Variants in CDH23 observed in about 807,000 individuals in gnomAD.
The protein encoded by CDH23 is cadherin related 23.
In CDH23, 189 loss-of-function variants were observed where a neutral mutation model predicts 317.1. The observed-to-expected ratio is 0.60, with a 90% CI of 0.53 to 0.67. The LOEUF is 0.67. Among genes scored for constraint, CDH23 ranks in the 30% least tolerant of loss-of-function variants. The probability of loss-of-function intolerance (pLI) is 0.00; values close to 1 mark genes in which losing one functional copy is unlikely to be tolerated. For synonymous variants in CDH23, 1,839 were observed against 1,876.8 expected, an observed-to-expected ratio of 0.98 and a Z score of 0.52; for missense variants, 4,401 against 4,592.4, an observed-to-expected ratio of 0.96 and a Z score of 1.20.
intron 3 of CDH23, among the ~76,000 whole-genome samples, chr10:71,454,829 A>T (rs991119126): frequency 6.9e-5 from 10 of 144,686 alleles, no homozygotes; most frequent in East Asian, 2.0e-4. Context: ...TACATACTAT[A>T]TTTTTTTTAC....
At chr10:71,732,859 A>G in intron 32 of CDH23, 1 of 283,830 alleles carries the variant, frequency 3.5e-6, no homozygotes, top group Admixed American at 5.3e-5. Flanking sequence ...ACCAGCTGGG[A>G]ATCCTATAGT....
chr10:71,744,701 C>T (rs1051692073), intron 38 of CDH23, among the ~76,000 whole-genome samples: 5 of 152,202 alleles, frequency 3.3e-5, no homozygotes, highest in Admixed American at 1.3e-4. Context: ...AGCATCCGCC[C>T]TGCTCATCCT....
chr10:71,415,248 A>C (rs767245439), intron 1 of CDH23, among the ~76,000 whole-genome samples: 12 of 152,016 alleles, frequency 7.9e-5, no homozygotes, highest in Non-Finnish European at 1.5e-4. Flanking sequence ...GGAATGCACT[A>C]TCACACCTGG....
At chr10:71,463,055 A>AG (rs976431120) in intron 3 of CDH23, among the ~76,000 whole-genome samples, 2 of 152,244 alleles carry the variant, frequency 1.3e-5, no homozygotes, top group Admixed American at 6.5e-5. Flanking sequence ...TGCCATGGGG[A>AG]GGGGGGCGTA....
rs1233221567 is a variant in CDH23 at position 71,403,392 on chromosome 10, TTTCTTTC to T, written c.-6+6077_-6+6083del. ...CTTTCTTTCTTTCTTTCTTTCTTTC[TTTCTTTC>T]TTTCTTTCTCTTCCTTCCTTCCTTC... On this transcript the variant is annotated intron_variant, in intron 1 of 69. Coordinates refer to ENST00000224721, the MANE Select transcript of CDH23 (RefSeq NM_022124.6). Among the ~76,000 whole-genome samples, 5 of 108,736 alleles carry T rather than the reference TTTCTTTC, an allele frequency of 4.6e-5. 1 individual carries two copies. Among genetic ancestry groups the T allele is most frequent in the African/African-American group, 2.2e-4 (5 of 22,562 alleles). 71.3% of individuals were successfully genotyped at this position (108,736 alleles called of 152,430 possible). A position where few individuals can be genotyped will look rare whatever the true frequency, so the allele number is the denominator to read the frequency against.
Position 71,815,107 on chromosome 10 carries a change from C to A in CDH23, c.9894C>A (p.Asn3298Lys), listed in dbSNP as rs1459700571. ...STGTLLATDLNSLPEEDQKGL... is the reference protein window; with the variant it reads ...STGTLLATDLKSLPEEDQKGL... ...GCACGCTGCTGGCCACCGACCTCAACAGCCTGCCCGAGGAAGACCAGAAGG... is the reference window on the plus strand; with the variant it reads ...GCACGCTGCTGGCCACCGACCTCAAAAGCCTGCCCGAGGAAGACCAGAAGG... The change falls in exon 70 of 70, where the codon AAC (asparagine) becomes AAA (lysine). Residue 3298 changes from asparagine (N) to lysine (K), a missense_variant. Transcript: ENST00000224721. 7 of 1,611,304 alleles carry A rather than the reference C, an allele frequency of 4.3e-6. No individual in the cohort carries two copies. The highest frequency in any genetic ancestry group is 1.1e-5 in the South Asian group (1 of 90,780).
chr10:71,709,341 A>C (rs1865894923), intron 27 of CDH23, 130 bp downstream of exon 27: 1 of 720,152 alleles, frequency 1.4e-6, no homozygotes, highest in Admixed American at 2.5e-5. Flanking sequence ...GCCACCAGGC[A>C]CTCACCAAAC....
chr10:71,657,981 G>T (rs1349060802), intron 14 of CDH23, among the ~76,000 whole-genome samples: 3 of 152,184 alleles, frequency 2.0e-5, no homozygotes, highest in Non-Finnish European at 4.4e-5. Context: ...CCCCAGGCTG[G>T]CCTGGAAGGC....
At chr10:71,490,285 T>G (rs1447504184) in intron 3 of CDH23, among the ~76,000 whole-genome samples, 1 of 152,220 alleles carries the variant, frequency 6.6e-6, no homozygotes, top group African/African-American at 2.4e-5. Context: ...AATTTCAAGT[T>G]GATCCAGGTA....
chr10:71,507,723 G>A (rs1589146979), intron 3 of CDH23, among the ~76,000 whole-genome samples: 5 of 152,310 alleles, frequency 3.3e-5, no homozygotes, highest in African/African-American at 1.2e-4. Context: ...TCAATCAAAT[G>A]CTGCTCCCAA....
chr10:71,599,822 C>T (rs547355175), intron 9 of CDH23, among the ~76,000 whole-genome samples: 4 of 152,242 alleles, frequency 2.6e-5, no homozygotes, highest in Non-Finnish European at 5.9e-5. Flanking sequence ...TACTTCTCAT[C>T]TCTGATTCTC....
intron 6 of CDH23, among the ~76,000 whole-genome samples, chr10:71,551,139 C>T (rs866933011): frequency 6.6e-6 from 1 of 152,234 alleles, no homozygotes; most frequent in Non-Finnish European, 1.5e-5. Context: ...GTGAGTGTCA[C>T]GAGGACTTCC....
rs561886884 is a variant in CDH23, at chr10:71,561,517, C to T, written c.430-5225C>T. Among the ~76,000 whole-genome samples, 8 of 152,298 alleles carry T rather than the reference C, an allele frequency of 5.3e-5. No individual in the cohort carries two copies. In the East Asian group the frequency reaches 1.5e-3, roughly 29 times the overall value. ...GCTATTTATCATTATTATTAACAAA[C>T]AAGATCCTTTGCACGGCAGAACTTT... is the stretch of plus-strand genomic sequence containing the variant. On this transcript the variant is annotated intron_variant, in intron 6 of 69. Coordinates refer to ENST00000224721, the MANE Select transcript of CDH23 (RefSeq NM_022124.6).
chr10:71,611,069 C>T (rs1355300382), intron 9 of CDH23, among the ~76,000 whole-genome samples: 2 of 152,018 alleles, frequency 1.3e-5, no homozygotes, highest in Non-Finnish European at 2.9e-5. Context: ...CGCCCCCAGC[C>T]CCCCAGCCCC....
chr10:71,807,482 G>A, intron 58 of CDH23, 34 bp from the exon 59 acceptor site: 1 of 1,612,466 alleles, frequency 6.2e-7, no homozygotes, highest in Non-Finnish European at 8.5e-7. Flanking sequence ...TCCTGGCCCT[G>A]CCCCCTCACC....
chr10:71,701,858 C>G (rs1289655463), intron 22 of CDH23, among the ~76,000 whole-genome samples, 164 bp from the exon 23 acceptor site: 1 of 152,304 alleles, frequency 6.6e-6, no homozygotes, highest in Admixed American at 6.5e-5. Flanking sequence ...CCTCCCAGCC[C>G]TCTCGGACCC....
Position 71,790,849 on chromosome 10 carries a change from G to A in CDH23, c.6050-283G>A, listed in dbSNP as rs1050402968. 8.9e-5 allele frequency: 47 copies of A among 528,372 alleles called. No homozygotes were observed. The East Asian group carries it at 1.4e-3, about 15-fold the overall frequency. 32.7% of individuals were successfully genotyped at this position (528,372 alleles called of 1,614,324 possible). A position where few individuals can be genotyped will look rare whatever the true frequency, so the allele number is the denominator to read the frequency against. On this transcript the variant is annotated intron_variant, in intron 46 of 69. Coordinates refer to ENST00000224721, the MANE Select transcript of CDH23 (RefSeq NM_022124.6). Reference sequence around the variant, plus strand: ...GGAAAGCACATCTGTCAACAGAGACGGTCAACCCTGTGCCCTGGGTCACTC... The same window carrying A: ...GGAAAGCACATCTGTCAACAGAGACAGTCAACCCTGTGCCCTGGGTCACTC...
chr10:71,701,900 C>T (rs537094436), intron 22 of CDH23, 122 bp from the exon 23 acceptor site: 1 of 1,058,264 alleles, frequency 9.4e-7, no homozygotes, highest in East Asian at 2.6e-5. Context: ...TGCCCACTTC[C>T]TGGGCCAGAG....
intron 3 of CDH23, among the ~76,000 whole-genome samples, chr10:71,504,895 G>A (rs1853548614): frequency 6.6e-6 from 1 of 152,222 alleles, no homozygotes; most frequent in Admixed American, 6.5e-5. Flanking sequence ...CCAGCTACAG[G>A]ACTTCTAACC....
Sources: allele counts gnomAD v4.1 joint callset (sites outside exome capture counted in the v4.1 genomes callset), GRCh38; gene constraint gnomAD v4.1.1; transcripts MANE v1.5; gene names NCBI Gene and HGNC (gene_info 2026-07-23, HGNC 2026-07-21).